Variants in C2orf76 observed in about 807,000 individuals in gnomAD.
The protein encoded by C2orf76 is chromosome 2 open reading frame 76, also known as UPF0538 protein C2orf76.
C2orf76 carries 23 observed loss-of-function variants against 16.9 expected under a neutral mutation model. That is an observed-to-expected ratio of 1.36 (90% CI 0.98 to 1.93). C2orf76 has a LOEUF of 1.93. Among genes scored for constraint, C2orf76 ranks in the 30% most tolerant of loss-of-function variants. C2orf76 has a pLI of 0.00. For missense variants in C2orf76, 152 were observed against 152.6 expected, an observed-to-expected ratio of 1.00 and a Z score of 0.02; for synonymous variants, 48 against 52.3, an observed-to-expected ratio of 0.92 and a Z score of 0.35.
intron 1 of C2orf76, among the ~76,000 whole-genome samples, chr2:119,350,066 A>AAC (rs1680338329): frequency 3.0e-5 from 1 of 33,800 alleles, no homozygotes; most frequent in Non-Finnish European, 5.8e-5. Flanking sequence ...CCCCGCCCAC[A>AAC]CCGCCCCCCG....
At chr2:119,350,486 A>C (rs1027291845) in intron 1 of C2orf76, among the ~76,000 whole-genome samples, 1 of 152,200 alleles carries the variant, frequency 6.6e-6, no homozygotes, top group Non-Finnish European at 1.5e-5. Flanking sequence ...GCCCATATGC[A>C]AAGCAAAACA....
At chr2:119,313,026 C>CA (rs536874855) in intron 4 of C2orf76, among the ~76,000 whole-genome samples, 1,264 of 93,516 alleles carry the variant, frequency 0.014, 10 homozygotes, top group African/African-American at 0.035. Flanking sequence ...AGACTCCATT[C>CA]AAAAAAAAAA....
intron 1 of C2orf76, chr2:119,366,243 C>A: frequency 2.7e-6 from 1 of 371,820 alleles, no homozygotes; most frequent in Non-Finnish European, 5.3e-6. Context: ...TGCAAGTTAC[C>A]CAACAGGAGT....
intron 2 of C2orf76, among the ~76,000 whole-genome samples, chr2:119,332,922 AGG>A (rs1679721646): frequency 6.6e-6 from 1 of 152,132 alleles, no homozygotes; most frequent in Non-Finnish European, 1.5e-5. Context: ...AGTACAGATG[AGG>A]GTCTTGCTAT....
intron 1 of C2orf76, among the ~76,000 whole-genome samples, chr2:119,361,202 C>A (rs1333540426): frequency 6.6e-6 from 1 of 152,194 alleles, no homozygotes; most frequent in Non-Finnish European, 1.5e-5. Flanking sequence ...GGTTTGAACC[C>A]AAAATGGGTT....
chr2:119,349,502 C>A (rs1680313830), intron 1 of C2orf76, among the ~76,000 whole-genome samples: 1 of 152,178 alleles, frequency 6.6e-6, no homozygotes, highest in Non-Finnish European at 1.5e-5. Flanking sequence ...TGTCCCGCTG[C>A]CTCTTCAGTG....
chr2:119,362,621 C>T (rs1212961636), intron 1 of C2orf76, among the ~76,000 whole-genome samples: 2 of 152,176 alleles, frequency 1.3e-5, no homozygotes, highest in African/African-American at 2.4e-5. Flanking sequence ...ATTATTCCTG[C>T]CCATAATCAT....
intron 5 of C2orf76, chr2:119,311,322 G>A: frequency 1.0e-6 from 1 of 985,464 alleles, no homozygotes; most frequent in Non-Finnish European, 1.2e-6. Context: ...AATGATAAGA[G>A]TAAGTAGACG....
chr2:119,323,263 C>T (rs1487479868), intron 2 of C2orf76, among the ~76,000 whole-genome samples: 1 of 151,884 alleles, frequency 6.6e-6, no homozygotes, highest in African/African-American at 2.4e-5. Context: ...TCAAGCAATC[C>T]TCTCACCTCG....
the C2orf76 span, among the ~76,000 whole-genome samples, chr2:119,287,879 G>C: frequency 2.0e-5 from 3 of 152,258 alleles, no homozygotes; most frequent in Admixed American, 6.5e-5. Flanking sequence ...GTTGTGTTGG[G>C]AGAGTGATTT....
At chr2:119,297,121 C>T in the C2orf76 span, among the ~76,000 whole-genome samples, 7 of 152,172 alleles carry the variant, frequency 4.6e-5, no homozygotes, top group Non-Finnish European at 8.8e-5. Flanking sequence ...AGGCTCTGTC[C>T]GTAAGTGCCT....
chr2:119,284,943 C>A, the C2orf76 span, among the ~76,000 whole-genome samples: 1 of 152,090 alleles, frequency 6.6e-6, no homozygotes, highest in African/African-American at 2.4e-5. Context: ...GGCAAATTAA[C>A]CTGTCTGAGC....
the C2orf76 span, among the ~76,000 whole-genome samples, chr2:119,285,449 T>C: frequency 6.6e-6 from 1 of 152,198 alleles, no homozygotes; most frequent in African/African-American, 2.4e-5. Flanking sequence ...TTGGCCCCAG[T>C]GGGGCTTTTT....
intron 1 of C2orf76, among the ~76,000 whole-genome samples, chr2:119,359,908 C>T (rs777974508): frequency 2.0e-5 from 3 of 152,142 alleles, no homozygotes; most frequent in Non-Finnish European, 2.9e-5. Flanking sequence ...GAATTGACTC[C>T]AATTTTGAAA....
At chr2:119,337,962 G>A (rs1679903944) in intron 2 of C2orf76, among the ~76,000 whole-genome samples, 1 of 152,174 alleles carries the variant, frequency 6.6e-6, no homozygotes, top group Non-Finnish European at 1.5e-5. Context: ...AACCTAGTCT[G>A]TACTGTACAA....
At chr2:119,346,201 G>A (rs951799602) in intron 1 of C2orf76, among the ~76,000 whole-genome samples, 5 of 152,070 alleles carry the variant, frequency 3.3e-5, no homozygotes, top group African/African-American at 4.8e-5. Context: ...ATGTAAAATG[G>A]TACTAGCCAG....
intron 2 of C2orf76, among the ~76,000 whole-genome samples, 160 bp from the exon 3 acceptor site, chr2:119,321,364 A>G (rs937122686): frequency 2.6e-5 from 4 of 152,120 alleles, no homozygotes; most frequent in African/African-American, 9.7e-5. Context: ...AGGGCCATCT[A>G]TATTAGTCCA....
At chr2:119,321,365 TA>T (rs1184883270) in intron 2 of C2orf76, among the ~76,000 whole-genome samples, 161 bp from the exon 3 acceptor site, 1 of 152,070 alleles carries the variant, frequency 6.6e-6, no homozygotes, top group African/African-American at 2.4e-5. Context: ...GGGCCATCTA[TA>T]TTAGTCCATT....
intron 1 of C2orf76, among the ~76,000 whole-genome samples, chr2:119,363,252 G>A (rs531332501): frequency 6.6e-6 from 1 of 151,942 alleles, no homozygotes; most frequent in African/African-American, 2.4e-5. Flanking sequence ...GTGAAACCCC[G>A]TCTCTACCCA....
Sources: allele counts gnomAD v4.1 joint callset (sites outside exome capture counted in the v4.1 genomes callset), GRCh38; gene constraint gnomAD v4.1.1; transcripts MANE v1.5; gene names NCBI Gene and HGNC (gene_info 2026-07-23, HGNC 2026-07-21).